JAZF1: variants seen among roughly 807,000 people sequenced by gnomAD.
JAZF1 encodes JAZF zinc finger 1.
A neutral mutation model predicts 26.4 loss-of-function variants in JAZF1; 8 were observed. The ratio of observed to expected loss-of-function variants is 0.30; its 90% CI spans 0.18 to 0.55. JAZF1 has a LOEUF of 0.55. Ranked by LOEUF, JAZF1 falls within the 20% of genes least tolerant of loss-of-function variation. The pLI is 0.94. For missense variants in JAZF1, 199 were observed against 322.0 expected (o/e 0.62, Z 2.92); for synonymous variants, 126 against 122.3 (o/e 1.03, Z -0.20).
intron 1 of JAZF1, among the ~76,000 whole-genome samples, chr7:28,166,348 G>A (rs1030845453): frequency 6.6e-6 from 1 of 152,176 alleles, no homozygotes; most frequent in African/African-American, 2.4e-5. Flanking sequence ...GCCCAGCCTG[G>A]GGTTTTCCTG....
intron 1 of JAZF1, among the ~76,000 whole-genome samples, chr7:28,114,494 G>A (rs1013212573): frequency 2.0e-5 from 3 of 151,606 alleles, no homozygotes; most frequent in South Asian, 2.1e-4. Context: ...CTGACAGGTT[G>A]GAGCCTGCTT....
At chr7:28,067,874 A>G (rs1783909851) in intron 1 of JAZF1, among the ~76,000 whole-genome samples, 1 of 152,072 alleles carries the variant, frequency 6.6e-6, no homozygotes, top group Non-Finnish European at 1.5e-5. Context: ...CTCTCAGCCT[A>G]GTGTCCTTTC....
chr7:27,849,560 G>A (rs893340860), intron 3 of JAZF1, among the ~76,000 whole-genome samples: 4 of 152,148 alleles, frequency 2.6e-5, no homozygotes, highest in African/African-American at 9.7e-5. Flanking sequence ...GGGGCAGGCA[G>A]GACAGCAGCC....
chr7:28,073,067 T>C (rs1179568023), intron 1 of JAZF1, among the ~76,000 whole-genome samples: 1 of 152,218 alleles, frequency 6.6e-6, no homozygotes, highest in Non-Finnish European at 1.5e-5. Context: ...CGGTAGGTGT[T>C]AGCAGTGGGC....
intron 1 of JAZF1, among the ~76,000 whole-genome samples, chr7:28,037,912 G>A (rs1031529521): frequency 1.3e-5 from 2 of 152,146 alleles, no homozygotes; most frequent in African/African-American, 2.4e-5. Context: ...TAATTTCTAC[G>A]TCAAACTCAC....
intron 3 of JAZF1, among the ~76,000 whole-genome samples, chr7:27,853,066 C>T (rs1215188460): frequency 6.6e-6 from 1 of 152,208 alleles, no homozygotes; most frequent in East Asian, 1.9e-4. Context: ...GCGGTGACGC[C>T]TTCCCAGTCT....
chr7:28,082,096 T>C (rs1784146782), intron 1 of JAZF1, among the ~76,000 whole-genome samples: 1 of 152,218 alleles, frequency 6.6e-6, no homozygotes, highest in South Asian at 2.1e-4. Flanking sequence ...TAGAGTATGT[T>C]TGATGATTAT....
intron 2 of JAZF1, among the ~76,000 whole-genome samples, chr7:27,977,903 C>T (rs549757656): frequency 6.6e-6 from 1 of 152,296 alleles, no homozygotes; most frequent in South Asian, 2.1e-4. Flanking sequence ...TCCTAAGCTT[C>T]CTTTCTTTCA....
rs1782719030 is a variant in JAZF1, at chr7:27,832,267, T to G, written c.*533A>C. The G allele has an allele frequency of 9.4e-6, 2 of 212,274 alleles. No homozygotes were observed. Among genetic ancestry groups the G allele is most frequent in the African/African-American group, 2.3e-5 (1 of 44,222 alleles). 13.1% of individuals were successfully genotyped at this position (212,274 alleles called of 1,614,324 possible). On this transcript the variant is annotated 3_prime_UTR_variant, in exon 5 of 5. Transcript: ENST00000283928. ...TGAAAATATTTTTAGCATATTATGT[T>G]AAACATTCTTTCTTATTTATATTTC...
At chr7:28,018,055 A>G (rs1270738655) in intron 1 of JAZF1, among the ~76,000 whole-genome samples, 5 of 152,214 alleles carry the variant, frequency 3.3e-5, no homozygotes, top group African/African-American at 1.2e-4. Context: ...AATTACCTCT[A>G]TGAAGGAAAC....
At chr7:27,847,919 C>G (rs530613498) in intron 3 of JAZF1, among the ~76,000 whole-genome samples, 1 of 152,266 alleles carries the variant, frequency 6.6e-6, no homozygotes, top group South Asian at 2.1e-4. Flanking sequence ...CCGCCCGTCT[C>G]AGCCTCCCAA....
In JAZF1 at chr7:27,832,596, T is replaced by C. The variant is rs537847097; in HGVS notation, c.*204A>G. ...GCACCTTATATCAAAGTAATGAAAA[T>C]GGGTATGATGATTACATGTGCAAAT... On this transcript the variant is annotated 3_prime_UTR_variant, in exon 5 of 5. Coordinates refer to ENST00000283928, the MANE Select transcript of JAZF1 (RefSeq NM_175061.4). 2.5e-5 allele frequency: 10 copies of C among 394,882 alleles called. No homozygotes were observed. The highest frequency in any genetic ancestry group is 4.5e-5 in the Non-Finnish European group (10 of 223,542). 24.5% of individuals were successfully genotyped at this position (394,882 alleles called of 1,614,324 possible).
intron 1 of JAZF1, among the ~76,000 whole-genome samples, chr7:28,048,693 A>T (rs1783537445): frequency 1.3e-5 from 2 of 152,194 alleles, no homozygotes; most frequent in Admixed American, 1.3e-4. Context: ...CTCACACAAA[A>T]CCTTGTAAAT....
In JAZF1 at chr7:28,005,414, T is replaced by TA. The variant is rs764502404; in HGVS notation, c.116-13434dup. ...CTCCCAGGGAAGCCGAATCATTGCT[T>TA]AAAAAAAAAAAAAAAAGTCACAGGA... On this transcript the variant is annotated intron_variant, in intron 1 of 4. Coordinates refer to ENST00000283928, the MANE Select transcript of JAZF1 (RefSeq NM_175061.4). Among the ~76,000 whole-genome samples the TA allele has an allele frequency of 5.6e-3, 766 of 137,902 alleles. 4 individuals carry two copies. Among genetic ancestry groups the TA allele is most frequent in the African/African-American group, 8.5e-3 (320 of 37,788 alleles). The allele number at this position is 137,902 out of a possible 152,430, so 90.5% of individuals were successfully genotyped here. A position where few individuals can be genotyped will look rare whatever the true frequency, so the allele number is the denominator to read the frequency against.
At chr7:28,048,005 A>C (rs1228063074) in intron 1 of JAZF1, among the ~76,000 whole-genome samples, 2 of 152,304 alleles carry the variant, frequency 1.3e-5, no homozygotes, top group South Asian at 2.1e-4. Flanking sequence ...ATTACCAGTA[A>C]AATAACAAAA....
chr7:27,901,408 T>C (rs1469697873), intron 2 of JAZF1, among the ~76,000 whole-genome samples: 1 of 152,116 alleles, frequency 6.6e-6, no homozygotes, highest in African/African-American at 2.4e-5. Context: ...AGGGGGAAAA[T>C]GTCAACTGCT....
intron 3 of JAZF1, among the ~76,000 whole-genome samples, chr7:27,886,638 C>A (rs371292351): frequency 1.1e-4 from 17 of 152,144 alleles, no homozygotes; most frequent in African/African-American, 4.1e-4. Flanking sequence ...GCTAATGTAG[C>A]CCATGTGTGT....
chr7:28,179,956 G>A (rs1437426244), intron 1 of JAZF1, among the ~76,000 whole-genome samples: 1 of 125,084 alleles, frequency 8.0e-6, no homozygotes, highest in Non-Finnish European at 1.7e-5. Flanking sequence ...CCGCCGCCGA[G>A]CCCTGACAGC....
chr7:27,847,039 G>A (rs971875029), intron 3 of JAZF1, among the ~76,000 whole-genome samples: 6 of 151,874 alleles, frequency 4.0e-5, no homozygotes, highest in African/African-American at 1.5e-4. Context: ...GCACGATCTC[G>A]GCTCACCACA....
Sources: allele counts gnomAD v4.1 joint callset (sites outside exome capture counted in the v4.1 genomes callset), GRCh38; gene constraint gnomAD v4.1.1; transcripts MANE v1.5; gene names NCBI Gene and HGNC (gene_info 2026-07-23, HGNC 2026-07-21).